RYR2: variants seen among roughly 807,000 people sequenced by gnomAD.
RYR2 encodes cardiac muscle ryanodine receptor-calcium release channel.
RYR2 carries 227 observed loss-of-function variants against 601.1 expected under a neutral mutation model. That is an observed-to-expected ratio of 0.38 (90% CI 0.34 to 0.42). The LOEUF (loss-of-function observed/expected upper bound fraction) is 0.42, where lower values mean the gene tolerates loss of function less well. RYR2 is among the 10% of genes least tolerant of loss of function. The probability of loss-of-function intolerance (pLI) is 1.00; values close to 1 mark genes in which losing one functional copy is unlikely to be tolerated. For synonymous variants in RYR2, 2,223 were observed against 2,175.1 expected, an observed-to-expected ratio of 1.02 and a Z score of -0.61; for missense variants, 4,646 against 6,156.5, an observed-to-expected ratio of 0.75 and a Z score of 8.21.
chr1:237,566,798 C>A, intron 28 of RYR2, 23 bp downstream of exon 28: 1 of 1,612,932 alleles, frequency 6.2e-7, no homozygotes, highest in South Asian at 1.1e-5. Context: ...TGTCCTGTGC[C>A]AGTCATCTGT....
At chr1:237,599,543 G>C (rs1189002339) in intron 34 of RYR2, among the ~76,000 whole-genome samples, 1 of 152,062 alleles carries the variant, frequency 6.6e-6, no homozygotes, top group Non-Finnish European at 1.5e-5. Context: ...GTTATCGGCT[G>C]GGCGCAGTGA....
intron 2 of RYR2, among the ~76,000 whole-genome samples, chr1:237,309,835 G>A (rs1315000971): frequency 6.6e-6 from 1 of 152,208 alleles, no homozygotes; most frequent in Non-Finnish European, 1.5e-5. Context: ...GCACTGCTGG[G>A]GGACCTGGTG....
At chr1:237,778,395 A>AT (rs1694829952) in intron 87 of RYR2, among the ~76,000 whole-genome samples, 1 of 11,630 alleles carries the variant, frequency 8.6e-5, no homozygotes, top group South Asian at 3.4e-3. Flanking sequence ...TCAAAGCCAG[A>AT]CCAAAAAAAA....
chr1:237,407,619 T>G lies in RYR2; in HGVS notation c.774-9430T>G, dbSNP rs201372036. Among the ~76,000 whole-genome samples the G allele has an allele frequency of 1.8e-3, 274 of 150,768 alleles. 3 individuals are homozygous for G. The East Asian group carries it at 0.041, about 23-fold the overall frequency. On this transcript the variant is annotated intron_variant, in intron 10 of 104. Coordinates refer to ENST00000366574, the MANE Select transcript of RYR2 (RefSeq NM_001035.3). The stretch of plus-strand genomic sequence containing the variant: ...TTTTAAATTGTGGTTGTTTTTTTTT[T>G]TTTTTTTTTTAAATTGAGACGGAGT...
intron 25 of RYR2, among the ~76,000 whole-genome samples, chr1:237,541,665 G>A (rs1009679306): frequency 2.0e-5 from 3 of 152,122 alleles, no homozygotes; most frequent in African/African-American, 7.2e-5. Flanking sequence ...GGCTGAGTCC[G>A]AAAAGAGAGT....
rs2797445 is a variant in RYR2, at chr1:237,730,374, C to T, written c.10935+18C>T. On this transcript the variant is annotated intron_variant, in intron 77 of 104. Coordinates refer to ENST00000366574, the MANE Select transcript of RYR2 (RefSeq NM_001035.3). ...ATTTAGCAGTATGTTTTTAGTGGGG[C>T]TCTAAGATGAAAGAGGGTCTAGGCT... 1 allele frequency: 1,332,612 copies of T among 1,336,870 alleles called. 664,274 individuals carry two copies. Among genetic ancestry groups the T allele is most frequent in the East Asian group, 1 (43,522 of 43,522 alleles). The allele number at this position is 1,336,870 out of a possible 1,614,324, so 82.8% of individuals were successfully genotyped here.
rs1013723770 is a variant in RYR2 at position 237,670,164 on chromosome 1, C to T, written c.8590+2206C>T. ...ACCAGTCAGGCGTGGCGGCGCGCGC[C>T]TGCAATCGCAGGCACTCGGCAGGCT... On this transcript the variant is annotated intron_variant, in intron 58 of 104. Transcript: ENST00000366574. 3.3e-5 allele frequency among the ~76,000 whole-genome samples: 5 copies of T among 151,826 alleles called. No individual in the cohort carries two copies. The South Asian group carries it at 1.0e-3, about 32-fold the overall frequency.
intron 79 of RYR2, among the ~76,000 whole-genome samples, chr1:237,733,984 T>C (rs1366661780): frequency 1.3e-5 from 2 of 152,350 alleles, no homozygotes; most frequent in African/African-American, 4.8e-5. Flanking sequence ...AAATATTTGC[T>C]GGACATCAAT....
intron 2 of RYR2, among the ~76,000 whole-genome samples, chr1:237,304,813 C>T (rs1345453601): frequency 6.6e-6 from 1 of 152,004 alleles, no homozygotes; most frequent in East Asian, 1.9e-4. Flanking sequence ...TTGTTACTTA[C>T]CAAAACATAC....
At chr1:237,731,848 TACAC>T (rs781114493) in intron 77 of RYR2, among the ~76,000 whole-genome samples, 194 bp from the exon 78 acceptor site, 7 of 150,050 alleles carry the variant, frequency 4.7e-5, no homozygotes, top group Non-Finnish European at 1.0e-4. Context: ...TATATACACA[TACAC>T]ACATATATAC....
At chr1:237,118,707 G>A (rs530598166) in intron 1 of RYR2, among the ~76,000 whole-genome samples, 298 of 152,116 alleles carry the variant, frequency 2.0e-3, no homozygotes, top group African/African-American at 6.6e-3. Flanking sequence ...GGATTCAAGC[G>A]ATTCTCCTGC....
rs201361069 is a variant in RYR2 at position 237,432,211 on chromosome 1, A to T, written c.1005+8963A>T. On this transcript the variant is annotated intron_variant, in intron 12 of 104. Coordinates refer to ENST00000366574, the MANE Select transcript of RYR2 (RefSeq NM_001035.3). ...AGAGCAATGACTTTAGGCTTTTTTT[A>T]AAAAAAAATGCCTTTTACAGTTTAA... is the stretch of plus-strand genomic sequence containing the variant. Among the ~76,000 whole-genome samples the T allele has an allele frequency of 6.0e-4, 71 of 119,256 alleles. No homozygotes were observed. The South Asian group carries it at 6.6e-3, about 11-fold the overall frequency. 78.2% of individuals were successfully genotyped at this position (119,256 alleles called of 152,430 possible).
intron 16 of RYR2, among the ~76,000 whole-genome samples, 183 bp from the exon 17 acceptor site, chr1:237,468,909 A>C (rs1277144871): frequency 6.6e-6 from 1 of 152,156 alleles, no homozygotes; most frequent in African/African-American, 2.4e-5. Context: ...TCAATTAATA[A>C]TTATTAATTT....
At chr1:237,160,605 G>C (rs947036432) in intron 1 of RYR2, among the ~76,000 whole-genome samples, 1 of 151,888 alleles carries the variant, frequency 6.6e-6, no homozygotes, top group African/African-American at 2.4e-5. Flanking sequence ...GGGTGTCTGA[G>C]TGTATATTCA....
chr1:237,544,275 A>G (rs1669577908), intron 25 of RYR2, among the ~76,000 whole-genome samples: 1 of 152,160 alleles, frequency 6.6e-6, no homozygotes. Flanking sequence ...TGCATGTTAA[A>G]GAAAGGGGGT....
intron 1 of RYR2, among the ~76,000 whole-genome samples, chr1:237,062,045 G>GT (rs748128134): frequency 1.4e-4 from 21 of 152,334 alleles, no homozygotes; most frequent in Non-Finnish European, 2.4e-4. Context: ...TCAGGTGGCT[G>GT]TAAGCAGGGA....
intron 46 of RYR2, among the ~76,000 whole-genome samples, chr1:237,640,529 A>T (rs956870642): frequency 1.3e-5 from 2 of 152,158 alleles, no homozygotes; most frequent in South Asian, 4.1e-4. Context: ...CTTTCTCTAC[A>T]TGTGTGCCAC....
At chr1:237,061,079 C>T (rs74146698) in intron 1 of RYR2, among the ~76,000 whole-genome samples, 2,839 of 152,246 alleles carry the variant, frequency 0.019, 86 homozygotes, top group African/African-American at 0.063. Flanking sequence ...TTCATTGTGA[C>T]TTTAATTTTG....
At chr1:237,499,564 G>C (rs948395973) in intron 20 of RYR2, among the ~76,000 whole-genome samples, 1 of 151,968 alleles carries the variant, frequency 6.6e-6, no homozygotes, top group African/African-American at 2.4e-5. Flanking sequence ...GCTTTTATAT[G>C]ACTTTTTTAA....
Sources: allele counts gnomAD v4.1 joint callset (sites outside exome capture counted in the v4.1 genomes callset), GRCh38; gene constraint gnomAD v4.1.1; transcripts MANE v1.5; gene names NCBI Gene and HGNC (gene_info 2026-07-23, HGNC 2026-07-21).